CSMD1: variants seen among roughly 807,000 people sequenced by gnomAD.
CSMD1 encodes the protein CUB and Sushi multiple domains 1.
A neutral mutation model predicts 417.5 loss-of-function variants in CSMD1; 213 were observed. The ratio of observed to expected loss-of-function variants is 0.51; its 90% confidence interval spans 0.46 to 0.57. The LOEUF is 0.57. Ranked by LOEUF, CSMD1 falls within the 20% of genes least tolerant of loss-of-function variation. The pLI is 0.00. For missense variants in CSMD1, 6,923 were observed against 4,529.7 expected (o/e 1.53, Z -15.17); for synonymous variants, 2,862 against 1,736.8 (o/e 1.65, Z -16.11).
At chr8:3,431,653 T>C (rs1336554458) in intron 12 of CSMD1, among the ~76,000 whole-genome samples, 1 of 152,182 alleles carries the variant, frequency 6.6e-6, no homozygotes, top group Non-Finnish European at 1.5e-5. Flanking sequence ...TTTATTAATG[T>C]TCTCCCTTCA....
chr8:3,674,653 A>C (rs1799279027), intron 7 of CSMD1, among the ~76,000 whole-genome samples: 1 of 152,152 alleles, frequency 6.6e-6, no homozygotes, highest in Admixed American at 6.5e-5. Context: ...CTGAGTCAAA[A>C]AGGACTTGAT....
At chr8:3,688,552 T>G (rs1481707) in intron 7 of CSMD1, among the ~76,000 whole-genome samples, 3 of 152,242 alleles carry the variant, frequency 2.0e-5, no homozygotes, top group Admixed American at 1.3e-4. Flanking sequence ...CTACAATGCA[T>G]GTGCTTAATA....
chr8:4,747,927 T>C (rs1811061950), intron 1 of CSMD1, among the ~76,000 whole-genome samples: 1 of 152,226 alleles, frequency 6.6e-6, no homozygotes, highest in Non-Finnish European at 1.5e-5. Context: ...AAATACACTA[T>C]TTATTGCAGA....
At chr8:4,152,891 A>C (rs1215749184) in intron 3 of CSMD1, among the ~76,000 whole-genome samples, 11 of 152,146 alleles carry the variant, frequency 7.2e-5, no homozygotes, top group South Asian at 4.1e-4. Flanking sequence ...AATTAGACTT[A>C]AGATTTTTCT....
At chr8:3,137,665 T>A (rs1479823986) in intron 41 of CSMD1, among the ~76,000 whole-genome samples, 1 of 152,256 alleles carries the variant, frequency 6.6e-6, no homozygotes, top group Non-Finnish European at 1.5e-5. Context: ...TCTCTAAATT[T>A]CTTATAATAC....
At chr8:4,773,934 G>A (rs530569754) in intron 1 of CSMD1, among the ~76,000 whole-genome samples, 1 of 152,298 alleles carries the variant, frequency 6.6e-6, no homozygotes, top group East Asian at 1.9e-4. Flanking sequence ...AGTGGCTCAC[G>A]CCTGAAATCT....
chr8:3,810,515 C>T (rs1387136252), intron 5 of CSMD1, among the ~76,000 whole-genome samples: 1 of 152,078 alleles, frequency 6.6e-6, no homozygotes, highest in Non-Finnish European at 1.5e-5. Context: ...TGGAAGAGGT[C>T]AGAATGGGAT....
Position 3,751,334 on chromosome 8 carries a change from A to G in CSMD1, c.931+2596T>C, listed in dbSNP as rs375471888. Reference sequence around the variant, plus strand: ...TGTGTGTGTGTGTGTGTGTATATATATATATATACACGAACACACATCTAC... The same window carrying G: ...TGTGTGTGTGTGTGTGTGTATATATGTATATATACACGAACACACATCTAC... On this transcript the variant is annotated intron_variant, in intron 6 of 69. Coordinates refer to ENST00000635120, the MANE Select transcript of CSMD1 (RefSeq NM_033225.6). 3.5e-3 allele frequency among the ~76,000 whole-genome samples: 413 copies of G among 118,044 alleles called. No individual in the cohort carries two copies. In the Middle Eastern group the frequency reaches 0.038, roughly 11 times the overall value. 77.4% of individuals were successfully genotyped at this position (118,044 alleles called of 152,430 possible).
chr8:4,128,032 T>C (rs143637083), intron 3 of CSMD1, among the ~76,000 whole-genome samples: 2 of 152,222 alleles, frequency 1.3e-5, no homozygotes, highest in Admixed American at 6.5e-5. Context: ...TTTTATATTC[T>C]TCAGGTGATT....
At chr8:4,271,726 C>G (rs1243408481) in intron 3 of CSMD1, among the ~76,000 whole-genome samples, 6 of 152,126 alleles carry the variant, frequency 3.9e-5, no homozygotes, top group Admixed American at 3.3e-4. Flanking sequence ...AAATCCCAGG[C>G]CTGTATATGA....
At chr8:4,291,535 A>G (rs1333037738) in intron 3 of CSMD1, among the ~76,000 whole-genome samples, 1 of 152,166 alleles carries the variant, frequency 6.6e-6, no homozygotes, top group East Asian at 1.9e-4. Context: ...ATTTTGATTT[A>G]CACATAAAAA....
intron 1 of CSMD1, among the ~76,000 whole-genome samples, chr8:4,747,376 T>C (rs529323938): frequency 2.6e-5 from 4 of 152,278 alleles, no homozygotes; most frequent in Admixed American, 2.0e-4. Context: ...ACGGTTTTCA[T>C]GGCGAGACAC....
intron 1 of CSMD1, among the ~76,000 whole-genome samples, chr8:4,867,238 G>T (rs1024386507): frequency 6.6e-6 from 1 of 151,918 alleles, no homozygotes; most frequent in East Asian, 1.9e-4. Context: ...GGAGTGTTTG[G>T]GGGTTGTTAA....
intron 17 of CSMD1, among the ~76,000 whole-genome samples, chr8:3,394,014 A>AAC (rs1262136241): frequency 3.9e-5 from 1 of 25,354 alleles, no homozygotes; most frequent in Admixed American, 5.3e-4. Flanking sequence ...AAAATAAATT[A>AAC]TATATATATA....
At chr8:4,830,202 C>A (rs962704218) in intron 1 of CSMD1, among the ~76,000 whole-genome samples, 5 of 152,176 alleles carry the variant, frequency 3.3e-5, no homozygotes, top group Non-Finnish European at 5.9e-5. Context: ...GTGAAACAGA[C>A]AAAGTGCTTC....
intron 2 of CSMD1, among the ~76,000 whole-genome samples, chr8:4,569,494 T>C (rs147398132): frequency 2.8e-4 from 42 of 152,304 alleles, no homozygotes; most frequent in African/African-American, 9.9e-4. Context: ...TTCTGTTCCA[T>C]TGGTCTCTAT....
chr8:4,674,302 C>G lies in CSMD1; in HGVS notation c.86-36744G>C, dbSNP rs570495271. ...GGCATGTGCAGGGCACAGGGATGGA[C>G]CTGGATTGAGGCTGAAAAAAATGCT... On this transcript the variant is annotated intron_variant, in intron 1 of 69. Coordinates refer to ENST00000635120, the MANE Select transcript of CSMD1 (RefSeq NM_033225.6). Among the ~76,000 whole-genome samples the G allele has an allele frequency of 9.6e-4, 145 of 151,798 alleles. 6 individuals carry two copies. The South Asian group carries it at 0.03, about 31-fold the overall frequency.
intron 17 of CSMD1, among the ~76,000 whole-genome samples, chr8:3,389,659 TATATTAATGGTTTTAATAA>T (rs1441148578): frequency 5.2e-5 from 4 of 77,566 alleles, no homozygotes; most frequent in Non-Finnish European, 7.7e-5. Context: ...GTGAGGATTA[TATATTAATGGTTTTAATAA>T]TGAAATTTAT....
At chr8:4,628,258 C>A (rs573375077) in intron 2 of CSMD1, among the ~76,000 whole-genome samples, 1 of 151,112 alleles carries the variant, frequency 6.6e-6, no homozygotes, top group East Asian at 2.0e-4. Flanking sequence ...AATTCTTGGT[C>A]TTTCATACCT....
Sources: allele counts gnomAD v4.1 joint callset (sites outside exome capture counted in the v4.1 genomes callset), GRCh38; gene constraint gnomAD v4.1.1; transcripts MANE v1.5; gene names NCBI Gene and HGNC (gene_info 2026-07-23, HGNC 2026-07-21).